RBFOX1: variants seen among roughly 807,000 people sequenced by gnomAD.
The protein encoded by RBFOX1 is RNA binding fox-1 homolog 1.
In RBFOX1, 8 loss-of-function variants were observed where a neutral mutation model predicts 57.7. The observed-to-expected ratio is 0.14, with a 90% CI of 0.08 to 0.25. The LOEUF (loss-of-function observed/expected upper bound fraction) is 0.25, where lower values mean the gene tolerates loss of function less well. Ranked by LOEUF, RBFOX1 falls within the 10% of genes least tolerant of loss-of-function variation. The pLI is 1.00. For synonymous variants in RBFOX1, 326 were observed against 222.4 expected (o/e 1.47, Z -4.15); for missense variants, 611 against 548.5 (o/e 1.11, Z -1.14).
intron 3 of RBFOX1, among the ~76,000 whole-genome samples, chr16:6,685,140 ACCT>A (rs991398639): frequency 5.3e-5 from 8 of 152,156 alleles, no homozygotes; most frequent in Admixed American, 5.2e-4. Flanking sequence ...ACGAGCTGTC[ACCT>A]TTTATATTCC....
At chr16:6,492,623 C>T (rs1026902815) in intron 2 of RBFOX1, among the ~76,000 whole-genome samples, 4 of 152,042 alleles carry the variant, frequency 2.6e-5, no homozygotes, top group Admixed American at 6.6e-5. Flanking sequence ...TTTGACCCAG[C>T]CTTTCTGCCT....
chr16:6,904,693 T>C (rs1009169113), intron 3 of RBFOX1, among the ~76,000 whole-genome samples: 1 of 151,922 alleles, frequency 6.6e-6, no homozygotes, highest in Non-Finnish European at 1.5e-5. Flanking sequence ...GCAGCTGCTT[T>C]TTCCCGTCAG....
rs571508533 is a variant in RBFOX1, at chr16:7,168,411, C to T, written c.27+116313C>T. Among the ~76,000 whole-genome samples, 5 of 152,166 alleles carry T rather than the reference C, an allele frequency of 3.3e-5. No individual in the cohort carries two copies. The East Asian group carries it at 9.7e-4, about 30-fold the overall frequency. On this transcript the variant is annotated intron_variant, in intron 4 of 15. Transcript: ENST00000550418. ...AGAGTGTACCTCAAACCTCAACAGC[C>T]ACATTGTCCACCAATTCTCATTGCA...
At chr16:6,439,180 G>C (rs1364841298) in intron 2 of RBFOX1, among the ~76,000 whole-genome samples, 3 of 152,174 alleles carry the variant, frequency 2.0e-5, no homozygotes, top group Non-Finnish European at 2.9e-5. Flanking sequence ...TTGTCATGAG[G>C]TCAGTTGCAT....
intron 3 of RBFOX1, among the ~76,000 whole-genome samples, chr16:7,026,058 C>T (rs956771297): frequency 1.3e-5 from 2 of 152,178 alleles, no homozygotes; most frequent in Admixed American, 6.5e-5. Flanking sequence ...AGGACTAGCG[C>T]AGCTGCTGTG....
chr16:6,644,008 C>T (rs1256017244), intron 2 of RBFOX1, among the ~76,000 whole-genome samples: 1 of 152,092 alleles, frequency 6.6e-6, no homozygotes, highest in East Asian at 1.9e-4. Flanking sequence ...CACCTGTAAT[C>T]CCAGCTACTA....
chr16:6,429,018 A>G (rs2094005748), intron 2 of RBFOX1, among the ~76,000 whole-genome samples: 1 of 152,180 alleles, frequency 6.6e-6, no homozygotes, highest in South Asian at 2.1e-4. Flanking sequence ...GGTGACATGC[A>G]CCTGCTCTGT....
chr16:7,246,064 T>A (rs1198011589), intron 4 of RBFOX1, among the ~76,000 whole-genome samples: 1 of 152,208 alleles, frequency 6.6e-6, no homozygotes, highest in African/African-American at 2.4e-5. Flanking sequence ...TCCACAACTG[T>A]TAAGTATGTT....
intron 3 of RBFOX1, among the ~76,000 whole-genome samples, chr16:5,659,775 G>A (rs923380674): frequency 2.0e-5 from 3 of 152,156 alleles, no homozygotes; most frequent in African/African-American, 4.8e-5. Context: ...ACAAACCACA[G>A]GTGGTTTTTA....
At chr16:7,602,188 A>G (rs960734575) in intron 9 of RBFOX1, among the ~76,000 whole-genome samples, 2 of 152,218 alleles carry the variant, frequency 1.3e-5, no homozygotes, top group African/African-American at 2.4e-5. Context: ...CATAGTTAAC[A>G]CTGGAGGTCT....
At chr16:5,534,859 G>A (rs1274060554) in intron 2 of RBFOX1, among the ~76,000 whole-genome samples, 1 of 152,102 alleles carries the variant, frequency 6.6e-6, no homozygotes, top group African/African-American at 2.4e-5. Flanking sequence ...ATACAGTAGG[G>A]AATTTATTAA....
intron 4 of RBFOX1, among the ~76,000 whole-genome samples, chr16:5,941,668 G>A (rs1489509874): frequency 6.6e-6 from 1 of 151,934 alleles, no homozygotes; most frequent in Admixed American, 6.6e-5. Context: ...ACCTACTGGG[G>A]CATCCCACTT....
At chr16:7,231,519 G>A (rs1049579908) in intron 4 of RBFOX1, among the ~76,000 whole-genome samples, 8 of 152,042 alleles carry the variant, frequency 5.3e-5, no homozygotes, top group Non-Finnish European at 1.2e-4. Flanking sequence ...ATATGACCCA[G>A]CAAACCCATT....
chr16:6,647,068 G>A (rs1186100880), intron 2 of RBFOX1, among the ~76,000 whole-genome samples: 1 of 152,076 alleles, frequency 6.6e-6, no homozygotes, highest in African/African-American at 2.4e-5. Flanking sequence ...GGATATTCAA[G>A]ATCAAGGTGC....
chr16:6,694,307 C>G (rs1379483637), intron 3 of RBFOX1, among the ~76,000 whole-genome samples: 1 of 152,148 alleles, frequency 6.6e-6, no homozygotes, highest in Admixed American at 6.5e-5. Context: ...TTTATCTTGA[C>G]AAACAATTTA....
chr16:7,002,879 TTAAGA>T (rs2092954236), intron 3 of RBFOX1, among the ~76,000 whole-genome samples: 1 of 152,138 alleles, frequency 6.6e-6, no homozygotes, highest in South Asian at 2.1e-4. Flanking sequence ...ACTCAGCGTG[TTAAGA>T]TAAGGCTAGA....
At chr16:5,418,975 C>A (rs1210420817) in intron 1 of RBFOX1, among the ~76,000 whole-genome samples, 1 of 152,126 alleles carries the variant, frequency 6.6e-6, no homozygotes, top group Non-Finnish European at 1.5e-5. Flanking sequence ...GAGGCCTGAA[C>A]TGGATTGGGG....
chr16:7,027,677 G>A (rs1359374788), intron 3 of RBFOX1, among the ~76,000 whole-genome samples: 1 of 152,140 alleles, frequency 6.6e-6, no homozygotes. Flanking sequence ...TGGCAGGGAA[G>A]GTTTCCAGAC....
intron 4 of RBFOX1, among the ~76,000 whole-genome samples, chr16:7,169,827 T>C (rs998776885): frequency 2.1e-4 from 4 of 19,050 alleles, no homozygotes; most frequent in Admixed American, 2.0e-3. Flanking sequence ...CCCTGCACTT[T>C]GGCAGGGCCA....
Sources: gnomAD v4.1 joint callset for allele counts (sites outside exome capture counted in the v4.1 genomes callset) on GRCh38, gnomAD v4.1.1 for gene constraint, MANE v1.5 for transcripts, NCBI Gene and HGNC (gene_info 2026-07-23, HGNC 2026-07-21) for gene names.